EPHA4: variants seen among roughly 807,000 people sequenced by gnomAD.
The protein encoded by EPHA4 is ephrin type-A receptor 4.
Under a neutral mutation model 108.3 loss-of-function variants are expected in EPHA4, and 19 were observed. The observed-to-expected ratio is 0.18, with a 90% CI of 0.12 to 0.26. EPHA4 has a LOEUF of 0.26. Ranked by LOEUF, EPHA4 falls within the 10% of genes least tolerant of loss-of-function variation. The pLI, the probability that EPHA4 is intolerant of heterozygous loss-of-function variation, is 1.00. For missense variants in EPHA4, 917 were observed against 1,254.0 expected, an observed-to-expected ratio of 0.73 and a Z score of 4.06; for synonymous variants, 449 against 455.5, an observed-to-expected ratio of 0.99 and a Z score of 0.18.
At chr2:221,548,069 A>C (rs1694050231) in intron 3 of EPHA4, among the ~76,000 whole-genome samples, 1 of 152,008 alleles carries the variant, frequency 6.6e-6, no homozygotes, top group Non-Finnish European at 1.5e-5. Flanking sequence ...CCAGTGTTGG[A>C]GGTGGGGCCT....
chr2:221,448,462 T>C lies in EPHA4; in HGVS notation c.1716-2281A>G, dbSNP rs573156531. On this transcript the variant is annotated intron_variant, in intron 8 of 17. Transcript: ENST00000281821. Reference sequence around the variant, plus strand: ...ATTGCTCTTAAAATCCATTGCTTCATTGAAGTAACTAAACAGGTTTAAATA... The same window carrying C: ...ATTGCTCTTAAAATCCATTGCTTCACTGAAGTAACTAAACAGGTTTAAATA... Among the ~76,000 whole-genome samples the C allele has an allele frequency of 1.3e-4, 20 of 152,306 alleles. No homozygotes were observed. In the East Asian group the frequency reaches 3.9e-3, roughly 29 times the overall value.
At chr2:221,434,926 A>G (rs1473400863) in intron 13 of EPHA4, among the ~76,000 whole-genome samples, 3 of 152,204 alleles carry the variant, frequency 2.0e-5, no homozygotes, top group Non-Finnish European at 4.4e-5. Flanking sequence ...TAAAATGGTA[A>G]AGCAAGTGAA....
chr2:221,558,307 GGTGT>G (rs141447745), intron 3 of EPHA4, among the ~76,000 whole-genome samples: 2 of 151,162 alleles, frequency 1.3e-5, no homozygotes, highest in African/African-American at 2.4e-5. Flanking sequence ...GGTGGATGTG[GGTGT>G]GTGTGTGTGT....
chr2:221,459,346 C>G (rs1381701022), intron 5 of EPHA4, among the ~76,000 whole-genome samples: 1 of 150,362 alleles, frequency 6.7e-6, no homozygotes, highest in South Asian at 2.1e-4. Context: ...AGTCCCAAAG[C>G]TATTCCAGAT....
intron 5 of EPHA4, among the ~76,000 whole-genome samples, chr2:221,480,507 AT>A (rs1344189484): frequency 6.6e-6 from 1 of 152,186 alleles, no homozygotes; most frequent in African/African-American, 2.4e-5. Context: ...CAGGATCTGT[AT>A]GTAATATTTC....
rs61047207 is a variant in EPHA4 at position 221,520,506 on chromosome 2, CCACA to C, written c.824-19338_824-19335del. ...AGAGTGTAAGACTTATTTCCTCTAACCACACACACACACACACACACACACACAC... is the reference window on the plus strand; with the variant it reads ...AGAGTGTAAGACTTATTTCCTCTAACCACACACACACACACACACACACAC... On this transcript the variant is annotated intron_variant, in intron 3 of 17. Coordinates refer to ENST00000281821, the MANE Select transcript of EPHA4 (RefSeq NM_004438.5). 1.6e-3 allele frequency among the ~76,000 whole-genome samples: 227 copies of C among 142,068 alleles called. 2 individuals carry two copies. The highest frequency in any genetic ancestry group is 5.1e-3 in the East Asian group (23 of 4,472). 93.2% of individuals were successfully genotyped at this position (142,068 alleles called of 152,430 possible).
chr2:221,496,988 A>G (rs1414368001), intron 4 of EPHA4, among the ~76,000 whole-genome samples: 1 of 152,104 alleles, frequency 6.6e-6, no homozygotes, highest in Non-Finnish European at 1.5e-5. Flanking sequence ...TTTTGAAAAT[A>G]CTGATGCCTG....
At chr2:221,460,646 T>C (rs1691110020) in intron 5 of EPHA4, among the ~76,000 whole-genome samples, 1 of 152,224 alleles carries the variant, frequency 6.6e-6, no homozygotes, top group Non-Finnish European at 1.5e-5. Flanking sequence ...GGAGGCAACC[T>C]GGATGTTCTC....
chr2:221,481,999 G>A (rs1355736133), intron 5 of EPHA4, among the ~76,000 whole-genome samples: 1 of 152,148 alleles, frequency 6.6e-6, no homozygotes, highest in Admixed American at 6.5e-5. Flanking sequence ...CTGACTGCTG[G>A]GCTCAAGCAA....
At chr2:221,562,918 GA>G (rs963130646) in intron 3 of EPHA4, among the ~76,000 whole-genome samples, 2 of 150,848 alleles carry the variant, frequency 1.3e-5, no homozygotes, top group Non-Finnish European at 3.0e-5. Flanking sequence ...CCTGAGGTGA[GA>G]AAAAAAAATC....
intron 5 of EPHA4, among the ~76,000 whole-genome samples, chr2:221,466,476 C>T (rs954054854): frequency 3.3e-5 from 5 of 152,102 alleles, no homozygotes; most frequent in African/African-American, 1.2e-4. Flanking sequence ...AATGATCACC[C>T]TTACATTTCA....
At chr2:221,444,499 C>A (rs1690526925) in intron 9 of EPHA4, among the ~76,000 whole-genome samples, 1 of 152,142 alleles carries the variant, frequency 6.6e-6, no homozygotes, top group Non-Finnish European at 1.5e-5. Flanking sequence ...GTCCTCATCC[C>A]AGCACCATTG....
intron 3 of EPHA4, among the ~76,000 whole-genome samples, chr2:221,508,602 G>A (rs79028248): frequency 6.9e-6 from 1 of 144,176 alleles, no homozygotes. Flanking sequence ...AAAAAAAAAA[G>A]AGTAAGAAAG....
At chr2:221,555,223 C>A (rs558974750) in intron 3 of EPHA4, among the ~76,000 whole-genome samples, 1 of 152,280 alleles carries the variant, frequency 6.6e-6, no homozygotes, top group Admixed American at 6.5e-5. Flanking sequence ...CTGCCTCCCA[C>A]CCCTGATCTC....
At chr2:221,567,228 A>C (rs796542379) in intron 2 of EPHA4, among the ~76,000 whole-genome samples, 8 of 152,258 alleles carry the variant, frequency 5.3e-5, no homozygotes, top group African/African-American at 1.9e-4. Context: ...TTATTAATAC[A>C]AGTACTGACA....
intron 11 of EPHA4, among the ~76,000 whole-genome samples, chr2:221,437,813 C>T (rs2106100506): frequency 6.6e-6 from 1 of 151,758 alleles, no homozygotes; most frequent in Admixed American, 6.5e-5. Context: ...ATCCCAGCTA[C>T]TCAGGAGGCT....
chr2:221,571,635 C>A lies in EPHA4; in HGVS notation c.91+523G>T, dbSNP rs553196940. ...AATCAGGTCACTGGCGCCTGACGAG[C>A]GGCGCCACGACCGCTGCGCTGCGGA... is the stretch of plus-strand genomic sequence containing the variant. On this transcript the variant is annotated intron_variant, in intron 1 of 17. Coordinates refer to ENST00000281821, the MANE Select transcript of EPHA4 (RefSeq NM_004438.5). The surrounding 1 kb of genome is among the most constrained non-coding windows in gnomAD (Gnocchi z 6.3). Among the ~76,000 whole-genome samples the A allele has an allele frequency of 6.6e-6, 1 of 152,164 alleles. No homozygotes were observed. Among genetic ancestry groups the A allele is most frequent in the Non-Finnish European group, 1.5e-5 (1 of 68,028 alleles).
chr2:221,554,025 G>C (rs1694235824), intron 3 of EPHA4, among the ~76,000 whole-genome samples: 1 of 152,154 alleles, frequency 6.6e-6, no homozygotes, highest in Non-Finnish European at 1.5e-5. Context: ...AGCAATTTGA[G>C]ATCTGTAACT....
chr2:221,430,026 A>G lies in EPHA4; in HGVS notation c.2622T>C (p.Ile874=). The change falls in exon 15 of 18, where the codon ATT becomes ATC. Residue 874 remains isoleucine (I), a synonymous_variant. Coordinates refer to ENST00000281821, the MANE Select transcript of EPHA4 (RefSeq NM_004438.5). The part of the protein sequence containing the change: ...ERSDRPKFGQ[I]VNMLDKLIRN... ...GGATGAGTTTGTCCAACATGTTGAC[A>G]ATCTGCCCAAATTTAGGCCTGTCGC... 1 of 1,614,130 alleles carries G rather than the reference A, an allele frequency of 6.2e-7. No individual in the cohort carries two copies. Among genetic ancestry groups the G allele is most frequent in the South Asian group, 1.1e-5 (1 of 91,078 alleles).
Sources: allele counts gnomAD v4.1 joint callset (sites outside exome capture counted in the v4.1 genomes callset), GRCh38; gene constraint gnomAD v4.1.1; non-coding constraint Gnocchi (gnomAD v3.1); transcripts MANE v1.5; gene names NCBI Gene and HGNC (gene_info 2026-07-23, HGNC 2026-07-21).